SH3PXD2A: variants seen among roughly 807,000 people sequenced by gnomAD.
SH3PXD2A encodes SH3 and PX domain-containing protein 2A.
In SH3PXD2A, 32 loss-of-function variants were observed where a neutral mutation model predicts 115.2. That is an observed-to-expected ratio of 0.28 (90% CI 0.21 to 0.37). SH3PXD2A has a LOEUF of 0.37. Among genes scored for constraint, SH3PXD2A ranks in the 10% least tolerant of loss-of-function variants. The pLI is 1.00. For missense variants in SH3PXD2A, 1,328 were observed against 1,498.7 expected, an observed-to-expected ratio of 0.89 and a Z score of 1.88; for synonymous variants, 610 against 629.1, an observed-to-expected ratio of 0.97 and a Z score of 0.45.
intron 5 of SH3PXD2A, among the ~76,000 whole-genome samples, chr10:103,713,779 G>A (rs1487733261): frequency 6.6e-6 from 1 of 152,220 alleles, no homozygotes; most frequent in African/African-American, 2.4e-5. Flanking sequence ...GGTTTTGGGA[G>A]TTTAAATAAT....
chr10:103,802,017 A>G (rs867428964), intron 1 of SH3PXD2A, among the ~76,000 whole-genome samples: 3 of 152,128 alleles, frequency 2.0e-5, no homozygotes, highest in African/African-American at 7.2e-5. Context: ...TTAGATAGCT[A>G]ATTTCCACTG....
At chr10:103,718,164 C>T (rs1399263502) in intron 5 of SH3PXD2A, among the ~76,000 whole-genome samples, 1 of 152,032 alleles carries the variant, frequency 6.6e-6, no homozygotes, top group Admixed American at 6.6e-5. Context: ...TGCCACCATG[C>T]CTGGCTCATT....
chr10:103,720,323 T>G (rs761396284), intron 5 of SH3PXD2A, among the ~76,000 whole-genome samples: 36 of 152,320 alleles, frequency 2.4e-4, no homozygotes, highest in Non-Finnish European at 3.4e-4. Context: ...ATGAAGAACA[T>G]CCTTTCTGTG....
chr10:103,601,820 TTC>T lies in SH3PXD2A; in HGVS notation c.3396_3397del (p.Asn1133LeufsTer20). 1.8e-5 allele frequency: 29 copies of T among 1,595,950 alleles called. No homozygotes were observed. The highest frequency in any genetic ancestry group is 2.5e-5 in the Non-Finnish European group (29 of 1,170,796). On this transcript the variant is annotated frameshift_variant, in exon 15 of 15. Transcript: ENST00000369774. LOFTEE classifies it high-confidence loss of function. ...TGGAAGAGCCCAGGCCCTCTGCTAGTTCTTTTTCTCAAGGTAGTTGGAAGGCA... is the reference window on the plus strand; with the variant it reads ...TGGAAGAGCCCAGGCCCTCTGCTAGTTTTTTCTCAAGGTAGTTGGAAGGCA...
chr10:103,853,350 C>T (rs1185118952), intron 1 of SH3PXD2A, among the ~76,000 whole-genome samples: 3 of 152,198 alleles, frequency 2.0e-5, no homozygotes, highest in Non-Finnish European at 2.9e-5. Context: ...TAATAAGCTA[C>T]CATTTAATAA....
intron 4 of SH3PXD2A, among the ~76,000 whole-genome samples, chr10:103,727,783 G>A (rs577612315): frequency 6.6e-6 from 1 of 152,332 alleles, no homozygotes; most frequent in East Asian, 1.9e-4. Context: ...TATTTAACGG[G>A]GAGCCCTGAG....
At chr10:103,848,948 CTTTTTTTTTTTTTTTT>C (rs146019283) in intron 1 of SH3PXD2A, among the ~76,000 whole-genome samples, 1 of 69,642 alleles carries the variant, frequency 1.4e-5, no homozygotes. Flanking sequence ...CCCATATATT[CTTTTTTTTTTTTTTTT>C]TTTTTTTTTT....
chr10:103,755,555 A>C (rs1465344964), intron 3 of SH3PXD2A: 2 of 152,238 alleles, frequency 1.3e-5, no homozygotes. Context: ...GTGAGACAGC[A>C]TGCCGAGCCT....
intron 8 of SH3PXD2A, among the ~76,000 whole-genome samples, chr10:103,628,991 G>A: frequency 6.6e-6 from 1 of 152,244 alleles, no homozygotes. Flanking sequence ...AGGGGCTGCA[G>A]AGCCTTGATT....
chr10:103,768,445 G>A (rs527903733), intron 2 of SH3PXD2A, among the ~76,000 whole-genome samples: 2 of 152,324 alleles, frequency 1.3e-5, no homozygotes, highest in African/African-American at 4.8e-5. Context: ...TGGCAAGGCC[G>A]ATGTGGCTGG....
chr10:103,852,153 T>C (rs1842902622), intron 1 of SH3PXD2A, among the ~76,000 whole-genome samples: 1 of 152,218 alleles, frequency 6.6e-6, no homozygotes. Context: ...CCAGGGAGCC[T>C]GACCTTAGTA....
At position 103,794,579 on chromosome 10, in the gene SH3PXD2A, G is replaced by A. The variant is rs2039068921; in HGVS notation, c.153+6703C>T. 2.6e-5 allele frequency among the ~76,000 whole-genome samples: 4 copies of A among 152,160 alleles called. No homozygotes were observed. In the South Asian group the frequency reaches 8.3e-4, roughly 32 times the overall value. On this transcript the variant is annotated intron_variant, in intron 2 of 14. Transcript: ENST00000369774. ...CTGGAAACGTGGTCCAGCCACCCGT[G>A]AGAAAGCAACTGAAAAGGGCATCTG...
At chr10:103,854,917 T>G (rs1486832233) in intron 1 of SH3PXD2A, among the ~76,000 whole-genome samples, 2 of 151,896 alleles carry the variant, frequency 1.3e-5, no homozygotes, top group African/African-American at 4.8e-5. Flanking sequence ...CCACCATCCA[T>G]CAAAGGCGGA....
chr10:103,662,247 C>CA (rs1422555739), intron 7 of SH3PXD2A, among the ~76,000 whole-genome samples: 1 of 143,790 alleles, frequency 7.0e-6, no homozygotes, highest in East Asian at 2.1e-4. Flanking sequence ...GGCAGGAAGG[C>CA]AGACAGGCTG....
Position 103,596,663 on chromosome 10 carries a change from A to ACACTCTCTCTCTCTCTCTCTCTCTCTCT in SH3PXD2A, c.*5152_*5153insAGAGAGAGAGAGAGAGAGAGAGAGAGTG. On this transcript the variant is annotated 3_prime_UTR_variant, in exon 15 of 15. Transcript: ENST00000369774. ...CACACACACACACACACACACACAC[A>ACACTCTCTCTCTCTCTCTCTCTCTCTCT]CTCTCTCTCTCTCTCTCTCTCTCAC... is the stretch of plus-strand genomic sequence containing the variant. 1 of 124,440 alleles carries ACACTCTCTCTCTCTCTCTCTCTCTCTCT rather than the reference A, an allele frequency of 8.0e-6. No homozygotes were observed. The allele number at this position is 124,440 out of a possible 1,614,324, so 7.7% of individuals were successfully genotyped here.
chr10:103,838,315 G>C (rs977737919), intron 1 of SH3PXD2A, among the ~76,000 whole-genome samples: 1 of 152,200 alleles, frequency 6.6e-6, no homozygotes, highest in African/African-American at 2.4e-5. Context: ...TCTGCACCAG[G>C]CACCTTAGCA....
chr10:103,744,501 G>C (rs973233816), intron 3 of SH3PXD2A, among the ~76,000 whole-genome samples: 9 of 152,084 alleles, frequency 5.9e-5, no homozygotes, highest in African/African-American at 2.2e-4. Context: ...TGTCACCTCT[G>C]ACCCTCTGCA....
At chr10:103,779,529 A>G (rs1589451583) in intron 2 of SH3PXD2A, among the ~76,000 whole-genome samples, 1 of 152,148 alleles carries the variant, frequency 6.6e-6, no homozygotes, top group East Asian at 1.9e-4. Context: ...GGTCATCTGA[A>G]ACAGAGGAAG....
At chr10:103,715,014 C>T (rs2038089555) in intron 5 of SH3PXD2A, among the ~76,000 whole-genome samples, 1 of 152,204 alleles carries the variant, frequency 6.6e-6, no homozygotes, top group Non-Finnish European at 1.5e-5. Context: ...GCCAGGACTC[C>T]CAGAGCAGAG....
Sources: gnomAD v4.1 joint callset for allele counts (sites outside exome capture counted in the v4.1 genomes callset) on GRCh38, gnomAD v4.1.1 for gene constraint, MANE v1.5 for transcripts, NCBI Gene and HGNC (gene_info 2026-07-23, HGNC 2026-07-21) for gene names.